The following SNUPN variants were observed in gnomAD, a reference collection of about 807,000 sequenced individuals.
SNUPN encodes snurportin 1.
In SNUPN, 31 loss-of-function variants were observed where a neutral mutation model predicts 39.2. That is an observed-to-expected ratio of 0.79 (90% CI 0.59 to 1.07). The LOEUF is 1.07. Among genes scored for constraint, SNUPN ranks in the 50% least tolerant of loss-of-function variants. SNUPN has a pLI of 0.00. For missense variants in SNUPN, 382 were observed against 434.2 expected (o/e 0.88, Z 1.07); for synonymous variants, 132 against 159.0 (o/e 0.83, Z 1.28).
Position 75,607,263 on chromosome 15 carries a change from C to T in SNUPN, c.553G>A (p.Val185Ile), listed in dbSNP as rs148518590. The T allele has an allele frequency of 1.6e-4, 255 of 1,613,740 alleles. No homozygotes were observed. Among genetic ancestry groups the T allele is most frequent in the Non-Finnish European group, 1.9e-4 (227 of 1,179,800 alleles). ...CCCCGCCAGCACATCACATCCAGAACGTAGTAGGTCTGGTTTACCTCATTG... is the reference window on the plus strand; with the variant it reads ...CCCCGCCAGCACATCACATCCAGAATGTAGTAGGTCTGGTTTACCTCATTG... ...IYNEVNQTYY[V>I]LDVMCWRGHP... Residue 185 changes from valine (V) to isoleucine (I), a missense_variant, in exon 6 of 9, where the codon GTT (valine) becomes ATT (isoleucine). By Grantham distance (29) the Val-to-Ile change is conservative. Coordinates refer to ENST00000308588, the MANE Select transcript of SNUPN (RefSeq NM_005701.4).
intron 3 of SNUPN, 67 bp downstream of exon 3, chr15:75,617,341 A>T (rs1054449722): frequency 8.6e-6 from 13 of 1,511,056 alleles, no homozygotes; most frequent in Non-Finnish European, 9.9e-6. Flanking sequence ...CATTTATTTC[A>T]GTGGGCTTTG....
rs768520903 is a variant in SNUPN at position 75,609,877 on chromosome 15, G to GGCA, written c.408+10_408+12dup. On this transcript the variant is annotated intron_variant, in intron 4 of 8. Transcript: ENST00000308588. ...ACCAGGCCTACTGGCATAGGGGGCA[G>GGCA]GCAGCTACTCACCCTGGAGGCCACG... The GGCA allele has an allele frequency of 1.9e-6, 3 of 1,599,224 alleles. No individual in the cohort carries two copies. Among genetic ancestry groups the GGCA allele is most frequent in the Non-Finnish European group, 2.6e-6 (3 of 1,166,722 alleles).
intron 3 of SNUPN, among the ~76,000 whole-genome samples, chr15:75,614,804 T>C (rs1892883620): frequency 2.0e-5 from 3 of 152,230 alleles, no homozygotes; most frequent in South Asian, 4.1e-4. Flanking sequence ...AAAATAGTAG[T>C]AGCAGCTAAT....
chr15:75,623,245 A>T (rs1375204951), intron 1 of SNUPN, among the ~76,000 whole-genome samples: 1 of 152,164 alleles, frequency 6.6e-6, no homozygotes, highest in African/African-American at 2.4e-5. Flanking sequence ...CCCAGGTTCA[A>T]GTGATTCTCC....
chr15:75,612,127 G>A (rs1241675845), intron 3 of SNUPN, among the ~76,000 whole-genome samples: 1 of 151,382 alleles, frequency 6.6e-6, no homozygotes, highest in African/African-American at 2.4e-5. Flanking sequence ...CCACCTCCCG[G>A]GTTCAAGCGA....
chr15:75,608,639 G>A (rs1447238774), intron 5 of SNUPN, among the ~76,000 whole-genome samples: 1 of 152,210 alleles, frequency 6.6e-6, no homozygotes, highest in African/African-American at 2.4e-5. Context: ...GTACCATTAT[G>A]CTTAGTATTC....
chr15:75,606,389 A>C (rs952377054), intron 6 of SNUPN, among the ~76,000 whole-genome samples: 4 of 152,146 alleles, frequency 2.6e-5, no homozygotes, highest in Non-Finnish European at 5.9e-5. Context: ...GCCTGTTCAC[A>C]CATCAGCCTC....
chr15:75,620,765 T>C (rs1369899978), intron 2 of SNUPN, 129 bp downstream of exon 2: 2 of 797,694 alleles, frequency 2.5e-6, no homozygotes, highest in East Asian at 2.6e-5. Context: ...TCCCAACCTG[T>C]GGGCAAGAAG....
chr15:75,609,879 C>A lies in SNUPN; in HGVS notation c.408+11G>T. 1.2e-6 allele frequency: 2 copies of A among 1,601,600 alleles called. No individual in the cohort carries two copies. Among genetic ancestry groups the A allele is most frequent in the Non-Finnish European group, 1.7e-6 (2 of 1,168,696 alleles). On this transcript the variant is annotated intron_variant, in intron 4 of 8. Coordinates refer to ENST00000308588, the MANE Select transcript of SNUPN (RefSeq NM_005701.4). ...CAGGCCTACTGGCATAGGGGGCAGG[C>A]AGCTACTCACCCTGGAGGCCACGAT...
At chr15:75,620,863 G>A (rs775178549) in intron 2 of SNUPN, 31 bp downstream of exon 2, 1 of 1,601,332 alleles carries the variant, frequency 6.2e-7, no homozygotes, top group Admixed American at 1.7e-5. Flanking sequence ...CTAGCCCAGA[G>A]AAAGAAGACA....
chr15:75,620,795 A>G (rs566446539), intron 2 of SNUPN, 99 bp downstream of exon 2: 2 of 1,051,000 alleles, frequency 1.9e-6, no homozygotes, highest in East Asian at 4.8e-5. Context: ...CAAAGAGTCT[A>G]CTTTGAAGGG....
At position 75,620,826 on chromosome 15, in the gene SNUPN, T is replaced by C; in HGVS notation, c.158+68A>G. 2.1e-6 allele frequency: 3 copies of C among 1,409,454 alleles called. No individual in the cohort carries two copies. The East Asian group carries it at 6.9e-5, about 32-fold the overall frequency. 87.3% of individuals were successfully genotyped at this position (1,409,454 alleles called of 1,614,324 possible). ...AAGGGAGAGTCTGTAGAGACAAGCCTAGAGCCTTCGGAATGGTTCATAGCT... is the reference window on the plus strand; with the variant it reads ...AAGGGAGAGTCTGTAGAGACAAGCCCAGAGCCTTCGGAATGGTTCATAGCT... On this transcript the variant is annotated intron_variant, in intron 2 of 8. Transcript: ENST00000308588.
intron 2 of SNUPN, among the ~76,000 whole-genome samples, chr15:75,619,250 A>G (rs1028623770): frequency 6.6e-6 from 1 of 151,496 alleles, no homozygotes; most frequent in Non-Finnish European, 1.5e-5. Flanking sequence ...CAGTGAGCCA[A>G]GATCATGCCA....
chr15:75,613,775 C>T (rs1302775795), intron 3 of SNUPN, among the ~76,000 whole-genome samples: 1 of 151,902 alleles, frequency 6.6e-6, no homozygotes, highest in African/African-American at 2.4e-5. Context: ...AAAGGATGGA[C>T]AATAACAAGT....
At chr15:75,610,489 G>A (rs1892752094) in intron 3 of SNUPN, among the ~76,000 whole-genome samples, 3 of 151,622 alleles carry the variant, frequency 2.0e-5, no homozygotes, top group Admixed American at 1.3e-4. Flanking sequence ...TGTGTCTCCT[G>A]CACAGCTGAC....
chr15:75,624,670 A>G lies in SNUPN; in HGVS notation c.-6+996T>C. 8.5e-6 allele frequency: 10 copies of G among 1,169,942 alleles called. 1 individual carries two copies. Among genetic ancestry groups the G allele is most frequent in the Non-Finnish European group, 1.1e-5 (10 of 928,726 alleles). The allele number at this position is 1,169,942 out of a possible 1,614,324, so 72.5% of individuals were successfully genotyped here. The stretch of plus-strand genomic sequence containing the variant: ...CCTGGACTTCGTCTCAAAAAGAAAA[A>G]AAAAAGAAAAACTGATGTCCTGGAT... On this transcript the variant is annotated intron_variant, in intron 1 of 8. Coordinates refer to ENST00000308588, the MANE Select transcript of SNUPN (RefSeq NM_005701.4).
At chr15:75,599,558 ATTGT>A (rs905723774) in intron 8 of SNUPN, among the ~76,000 whole-genome samples, 11 of 152,084 alleles carry the variant, frequency 7.2e-5, no homozygotes. Context: ...CTCCCCCTAA[ATTGT>A]TTGTGAGCCA....
chr15:75,611,993 A>G (rs953966170), intron 3 of SNUPN, among the ~76,000 whole-genome samples: 2 of 150,708 alleles, frequency 1.3e-5, no homozygotes, highest in Non-Finnish European at 3.0e-5. Flanking sequence ...CCACAGTCCT[A>G]CTGAAGGCCC....
chr15:75,614,419 T>C (rs1001406690), intron 3 of SNUPN, among the ~76,000 whole-genome samples: 2 of 152,166 alleles, frequency 1.3e-5, no homozygotes, highest in Non-Finnish European at 2.9e-5. Context: ...AGTCTATCCA[T>C]ACAGTGGAAT....
Sources: gnomAD v4.1 joint callset for allele counts (sites outside exome capture counted in the v4.1 genomes callset) on GRCh38, gnomAD v4.1.1 for gene constraint, MANE v1.5 for transcripts, NCBI Gene and HGNC (gene_info 2026-07-23, HGNC 2026-07-21) for gene names.